FAM193A: variants seen among roughly 807,000 people sequenced by gnomAD.
FAM193A encodes family with sequence similarity 193 member A, also known as protein FAM193A.
A neutral mutation model predicts 126.5 loss-of-function variants in FAM193A; 22 were observed. The ratio of observed to expected loss-of-function variants is 0.17; its 90% CI spans 0.12 to 0.25. FAM193A has a LOEUF of 0.25. Among genes scored for constraint, FAM193A ranks in the 10% least tolerant of loss-of-function variants. FAM193A has a pLI of 1.00. For synonymous variants in FAM193A, 761 were observed against 646.8 expected (o/e 1.18, Z -2.68); for missense variants, 1,675 against 1,672.8 (o/e 1.00, Z -0.02).
At chr4:2,686,273 G>A (rs1174602017) in intron 13 of FAM193A, among the ~76,000 whole-genome samples, 1 of 152,162 alleles carries the variant, frequency 6.6e-6, no homozygotes, top group African/African-American at 2.4e-5. Context: ...TAGAATCATT[G>A]CCGTATGTTT....
intron 7 of FAM193A, among the ~76,000 whole-genome samples, chr4:2,654,038 C>A (rs1745928394): frequency 6.6e-6 from 1 of 152,296 alleles, no homozygotes; most frequent in Middle Eastern, 3.4e-3. Context: ...ACTCCACTCT[C>A]CACTGGAGCT....
rs192989522 is a variant in FAM193A at position 2,557,314 on chromosome 4, G to A, written c.255+20144G>A. On this transcript the variant is annotated intron_variant, in intron 1 of 20. Coordinates refer to ENST00000637812, the MANE Select transcript of FAM193A (RefSeq NM_001366318.2). ...GTGCAGCTGTGGATGAGGGCGATGA[G>A]GGCATACTATTGAGCCTGGAGTTTG... Among the ~76,000 whole-genome samples, 4 of 152,218 alleles carry A rather than the reference G, an allele frequency of 2.6e-5. No homozygotes were observed. In the East Asian group the frequency reaches 7.7e-4, roughly 29 times the overall value.
At chr4:2,622,285 C>T (rs1742599716) in intron 2 of FAM193A, among the ~76,000 whole-genome samples, 1 of 133,132 alleles carries the variant, frequency 7.5e-6, no homozygotes, top group Non-Finnish European at 1.6e-5. Context: ...AAAAAAAAAC[C>T]TAAATGTCTC....
chr4:2,630,037 C>T (rs1743399885), intron 4 of FAM193A, among the ~76,000 whole-genome samples: 1 of 150,778 alleles, frequency 6.6e-6, no homozygotes. Context: ...GAGGCTGAGG[C>T]AGGAGAACTG....
At chr4:2,649,373 T>TCA (rs1560520741) in intron 7 of FAM193A, among the ~76,000 whole-genome samples, 3 of 129,092 alleles carry the variant, frequency 2.3e-5, no homozygotes, top group East Asian at 2.1e-4. Context: ...AGACCCTGTC[T>TCA]GAAAAAAAAA....
At chr4:2,564,298 G>A (rs969647738) in intron 1 of FAM193A, among the ~76,000 whole-genome samples, 2 of 151,990 alleles carry the variant, frequency 1.3e-5, no homozygotes, top group South Asian at 4.2e-4. Context: ...GCCCAGGCTG[G>A]TCTCAAACTC....
chr4:2,719,197 T>C (rs932609692), intron 20 of FAM193A, among the ~76,000 whole-genome samples: 1 of 152,030 alleles, frequency 6.6e-6, no homozygotes. Flanking sequence ...AAAGAAAATA[T>C]TCTCCAGGAG....
chr4:2,713,701 A>G (rs556295654), intron 19 of FAM193A, among the ~76,000 whole-genome samples: 4 of 152,214 alleles, frequency 2.6e-5, no homozygotes, highest in African/African-American at 4.8e-5. Context: ...TAGGTACACA[A>G]TTTACTACAA....
rs1196667354 is a variant in FAM193A at position 2,641,609 on chromosome 4, C to T, written c.1163+1750C>T. Among the ~76,000 whole-genome samples, 7 of 151,678 alleles carry T rather than the reference C, an allele frequency of 4.6e-5. No homozygotes were observed. The South Asian group carries it at 6.3e-4, about 14-fold the overall frequency. ...GGCGGAGTTTGCAGTGAGCTGAAAT[C>T]GTGCCACTGCACTCCATCCTGGACC... On this transcript the variant is annotated intron_variant, in intron 6 of 20. Transcript: ENST00000637812.
At chr4:2,638,440 A>G (rs1311573810) in intron 5 of FAM193A, among the ~76,000 whole-genome samples, 1 of 152,120 alleles carries the variant, frequency 6.6e-6, no homozygotes, top group Non-Finnish European at 1.5e-5. Flanking sequence ...TCCTGTACCG[A>G]GTGTGCTTGC....
chr4:2,552,068 G>A (rs998766287), intron 1 of FAM193A, among the ~76,000 whole-genome samples: 2 of 144,182 alleles, frequency 1.4e-5, no homozygotes, highest in African/African-American at 5.2e-5. Flanking sequence ...CTGGAGTGCA[G>A]TGGCTGGATC....
At chr4:2,581,820 A>C (rs573449941) in intron 1 of FAM193A, among the ~76,000 whole-genome samples, 1 of 151,062 alleles carries the variant, frequency 6.6e-6, no homozygotes, top group East Asian at 2.0e-4. Flanking sequence ...TGCACGGCTA[A>C]TTTTTTGTAT....
intron 1 of FAM193A, among the ~76,000 whole-genome samples, chr4:2,570,249 A>G (rs751407666): frequency 1.7e-4 from 26 of 152,134 alleles, no homozygotes; most frequent in African/African-American, 2.9e-4. Context: ...TGAACAAATC[A>G]TGGTACCCTT....
intron 18 of FAM193A, among the ~76,000 whole-genome samples, chr4:2,699,083 A>C (rs1271600162): frequency 6.6e-6 from 1 of 152,182 alleles, no homozygotes; most frequent in African/African-American, 2.4e-5. Flanking sequence ...CTTTTTGTAG[A>C]GACGGGGTTT....
intron 19 of FAM193A, among the ~76,000 whole-genome samples, chr4:2,709,555 A>G (rs1718683508): frequency 6.6e-6 from 1 of 152,188 alleles, no homozygotes; most frequent in Non-Finnish European, 1.5e-5. Flanking sequence ...CTAAAAATAC[A>G]AAAATTTGCC....
intron 2 of FAM193A, among the ~76,000 whole-genome samples, chr4:2,611,838 A>AT (rs1339000637): frequency 0.092 from 12,483 of 136,192 alleles, 1,635 homozygotes; most frequent in African/African-American, 0.29. Flanking sequence ...GATCAAATCC[A>AT]TTTTTTTTTT....
chr4:2,535,564 G>A (rs1346963836), upstream of FAM193A, among the ~76,000 whole-genome samples: 3 of 152,358 alleles, frequency 2.0e-5, no homozygotes, highest in Admixed American at 6.5e-5. Flanking sequence ...CGGAGCCGCC[G>A]GCAGGGTCCC....
At chr4:2,697,591 G>A (rs1376992584) in intron 18 of FAM193A, among the ~76,000 whole-genome samples, 1 of 152,212 alleles carries the variant, frequency 6.6e-6, no homozygotes, top group Non-Finnish European at 1.5e-5. Flanking sequence ...AGGCAAAAAG[G>A]TGAGGAAGAG....
At chr4:2,721,995 T>C (rs1720219165) in intron 20 of FAM193A, among the ~76,000 whole-genome samples, 2 of 152,302 alleles carry the variant, frequency 1.3e-5, no homozygotes, top group Non-Finnish European at 2.9e-5. Context: ...GTTCCCTCGA[T>C]ATGAGGCCAC....
Sources: allele counts gnomAD v4.1 joint callset (sites outside exome capture counted in the v4.1 genomes callset), GRCh38; gene constraint gnomAD v4.1.1; transcripts MANE v1.5; gene names NCBI Gene and HGNC (gene_info 2026-07-23, HGNC 2026-07-21).